Variants in FAR2 observed in about 807,000 individuals in gnomAD.
FAR2 encodes the protein fatty acyl-CoA reductase 2, also known as epididymis secretory protein Li 81.
In FAR2, 19 loss-of-function variants were observed where a neutral mutation model predicts 56.0. The ratio of observed to expected loss-of-function variants is 0.34; its 90% CI spans 0.24 to 0.50. The LOEUF is 0.50. Ranked by LOEUF, FAR2 falls within the 20% of genes least tolerant of loss-of-function variation. The pLI is 0.98. For missense variants in FAR2, 508 were observed against 642.2 expected, an observed-to-expected ratio of 0.79 and a Z score of 2.26; for synonymous variants, 219 against 218.8, an observed-to-expected ratio of 1.00 and a Z score of -0.01.
intron 1 of FAR2, among the ~76,000 whole-genome samples, chr12:29,158,124 T>C (rs34879577): frequency 0.015 from 2,346 of 152,314 alleles, 42 homozygotes; most frequent in African/African-American, 0.048. Context: ...AATATTTGTT[T>C]CTGATAGATA....
At chr12:29,261,391 A>G (rs1948415478) in intron 1 of FAR2, among the ~76,000 whole-genome samples, 1 of 152,198 alleles carries the variant, frequency 6.6e-6, no homozygotes, top group Admixed American at 6.5e-5. Context: ...AGAGAAGACA[A>G]AAGATAAAAG....
chr12:29,206,437 A>T (rs545976837), intron 1 of FAR2, among the ~76,000 whole-genome samples: 1 of 152,292 alleles, frequency 6.6e-6, no homozygotes, highest in South Asian at 2.1e-4. Flanking sequence ...AAGGCCTCAG[A>T]CCCTGAGAGC....
At chr12:29,173,281 G>C (rs545003879) in intron 1 of FAR2, among the ~76,000 whole-genome samples, 1 of 152,176 alleles carries the variant, frequency 6.6e-6, no homozygotes, top group African/African-American at 2.4e-5. Flanking sequence ...GGGGGTTTTT[G>C]TGGTCCTTTG....
At chr12:29,298,035 T>A (rs1273504778) in intron 4 of FAR2, among the ~76,000 whole-genome samples, 75 of 44,956 alleles carry the variant, frequency 1.7e-3, no homozygotes, top group Non-Finnish European at 2.1e-3. Context: ...AAACTCCGTC[T>A]CAAAAAAAAA....
chr12:29,275,716 G>A lies in FAR2; in HGVS notation c.189+5078G>A, dbSNP rs1190224673. On this transcript the variant is annotated intron_variant, in intron 2 of 11. Coordinates refer to ENST00000536681, the MANE Select transcript of FAR2 (RefSeq NM_001271783.2). ...TTCGTGTTAGTCTGGGAGCTTTGTT[G>A]CCAACTATGCATTTCTAGATAAATA... is the stretch of plus-strand genomic sequence containing the variant. Among the ~76,000 whole-genome samples the A allele has an allele frequency of 2.0e-5, 3 of 152,102 alleles. No homozygotes were observed. The East Asian group carries it at 5.8e-4, about 29-fold the overall frequency.
intron 2 of FAR2, 57 bp from the exon 3 acceptor site, chr12:29,293,243 A>T (rs1466622044): frequency 7.4e-7 from 1 of 1,353,832 alleles, no homozygotes; most frequent in Non-Finnish European, 9.8e-7. Context: ...TATAAACAAG[A>T]ACAATGTGAT....
intron 5 of FAR2, 144 bp downstream of exon 5, chr12:29,307,979 C>T (rs764432161): frequency 3.2e-5 from 26 of 809,860 alleles, no homozygotes; most frequent in Non-Finnish European, 4.4e-5. Flanking sequence ...TATACTAGGG[C>T]AAAATTCCAC....
Position 29,335,168 on chromosome 12 carries a change from G to A in FAR2, c.*1374G>A, listed in dbSNP as rs1053692220. On this transcript the variant is annotated 3_prime_UTR_variant, in exon 12 of 12. Transcript: ENST00000536681. ...GCAGTTATATTTATGCTCACTTCCTGGAGTAATTGGGTAATATTCAGAAAG... is the reference window on the plus strand; with the variant it reads ...GCAGTTATATTTATGCTCACTTCCTAGAGTAATTGGGTAATATTCAGAAAG... 1 of 152,112 alleles carries A rather than the reference G, an allele frequency of 6.6e-6. No homozygotes were observed. Among genetic ancestry groups the A allele is most frequent in the Non-Finnish European group, 1.5e-5 (1 of 68,018 alleles). 9.4% of individuals were successfully genotyped at this position (152,112 alleles called of 1,614,324 possible).
chr12:29,156,120 T>G (rs1295723171), intron 1 of FAR2, among the ~76,000 whole-genome samples: 1 of 152,002 alleles, frequency 6.6e-6, no homozygotes, highest in Non-Finnish European at 1.5e-5. Flanking sequence ...TGGGGGGAAG[T>G]TACTGGTCAA....
intron 1 of FAR2, among the ~76,000 whole-genome samples, chr12:29,252,338 C>T (rs957371844): frequency 1.2e-4 from 18 of 152,104 alleles, no homozygotes; most frequent in African/African-American, 4.1e-4. Flanking sequence ...GGTCATCCCA[C>T]GAGGTAAAGA....
Position 29,180,190 on chromosome 12 carries a change from C to T in FAR2, c.-39+30783C>T, listed in dbSNP as rs565755435. On this transcript the variant is annotated intron_variant, in intron 1 of 11. Transcript: ENST00000536681. ...TGGAGCTAATCTAAAAGCAAATTCA[C>T]GGTGGGTAAAATAATAAAAGAATGC... Among the ~76,000 whole-genome samples, 211 of 152,126 alleles carry T rather than the reference C, an allele frequency of 1.4e-3. 1 individual carries two copies. Among genetic ancestry groups the T allele is most frequent in the African/African-American group, 4.7e-3 (195 of 41,508 alleles).
At chr12:29,279,390 C>T (rs1357149493) in intron 2 of FAR2, among the ~76,000 whole-genome samples, 1 of 152,198 alleles carries the variant, frequency 6.6e-6, no homozygotes, top group Non-Finnish European at 1.5e-5. Flanking sequence ...CCCAATCTTT[C>T]AATAGGTCAT....
chr12:29,168,596 G>T (rs371993860), intron 1 of FAR2, among the ~76,000 whole-genome samples: 1 of 152,182 alleles, frequency 6.6e-6, no homozygotes, highest in Non-Finnish European at 1.5e-5. Flanking sequence ...GACCTTCGCG[G>T]TGAGTGTTAC....
chr12:29,261,396 TA>T (rs1045621815), intron 1 of FAR2, among the ~76,000 whole-genome samples: 1 of 151,192 alleles, frequency 6.6e-6, no homozygotes, highest in African/African-American at 2.4e-5. Context: ...AGACAAAAGA[TA>T]AAAGAAGAAA....
intron 1 of FAR2, among the ~76,000 whole-genome samples, chr12:29,243,571 T>A (rs1228395452): frequency 6.6e-6 from 1 of 152,244 alleles, no homozygotes; most frequent in East Asian, 1.9e-4. Flanking sequence ...TTTTTCTTGA[T>A]CTCAGTGTTG....
chr12:29,325,351 A>T (rs1194374482), intron 10 of FAR2, among the ~76,000 whole-genome samples: 2 of 152,194 alleles, frequency 1.3e-5, no homozygotes, highest in Non-Finnish European at 2.9e-5. Context: ...TGACACAGAA[A>T]GTTAACAAGG....
chr12:29,154,525 C>T (rs540663297), intron 1 of FAR2, among the ~76,000 whole-genome samples: 1 of 152,110 alleles, frequency 6.6e-6, no homozygotes, highest in Non-Finnish European at 1.5e-5. Flanking sequence ...AGCTCCGCCT[C>T]CCAGGTTCAT....
intron 6 of FAR2, among the ~76,000 whole-genome samples, chr12:29,310,687 A>ATT (rs1181011399): frequency 7.2e-5 from 11 of 152,232 alleles, no homozygotes; most frequent in African/African-American, 2.7e-4. Context: ...TATAACCTTA[A>ATT]TTCTTAACAT....
At chr12:29,173,816 C>T (rs1949910570) in intron 1 of FAR2, among the ~76,000 whole-genome samples, 1 of 152,148 alleles carries the variant, frequency 6.6e-6, no homozygotes, top group Admixed American at 6.5e-5. Flanking sequence ...AATAGTTGCA[C>T]TCACCTACGC....
Sources: allele counts gnomAD v4.1 joint callset (sites outside exome capture counted in the v4.1 genomes callset), GRCh38; gene constraint gnomAD v4.1.1; transcripts MANE v1.5; gene names NCBI Gene and HGNC (gene_info 2026-07-23, HGNC 2026-07-21).